Variants in TET1 observed in about 807,000 individuals in gnomAD.
TET1 encodes the protein tet methylcytosine dioxygenase 1.
TET1 carries 13 observed loss-of-function variants against 148.7 expected under a neutral mutation model. The ratio of observed to expected loss-of-function variants is 0.09; its 90% CI spans 0.06 to 0.14. The LOEUF is 0.14. TET1 is among the 10% of genes least tolerant of loss of function. TET1 has a pLI of 1.00. For missense variants in TET1, 2,182 were observed against 2,553.8 expected (o/e 0.85, Z 3.14); for synonymous variants, 907 against 937.2 (o/e 0.97, Z 0.59).
chr10:68,561,790 G>A (rs1443369019), intron 1 of TET1, among the ~76,000 whole-genome samples: 1 of 149,498 alleles, frequency 6.7e-6, no homozygotes. Context: ...GTCTGGAAGG[G>A]ACTGGCCGAC....
At chr10:68,622,599 C>T (rs1240493952) in intron 3 of TET1, among the ~76,000 whole-genome samples, 1 of 151,970 alleles carries the variant, frequency 6.6e-6, no homozygotes, top group Non-Finnish European at 1.5e-5. Context: ...TCTCCTTGAT[C>T]TCCAACACAG....
rs940708786 is a variant in TET1, at chr10:68,573,373, T to C, written c.1035T>C (p.His345=). The change falls in exon 2 of 12, where the codon CAT becomes CAC. Residue 345 remains histidine (H), a synonymous_variant. Coordinates refer to ENST00000373644, the MANE Select transcript of TET1 (RefSeq NM_030625.3). ...KQATLGAKPD[H]QEAFEATANQ... is the part of the protein sequence containing the mutation. Reference sequence around the variant, plus strand: ...CGACCCTTGGTGCTAAACCAGATCATCAAGAGGCCTTCGAAGCTACTGCAA... The same window carrying C: ...CGACCCTTGGTGCTAAACCAGATCACCAAGAGGCCTTCGAAGCTACTGCAA... 2 of 1,614,170 alleles carry C rather than the reference T, an allele frequency of 1.2e-6. No individual in the cohort carries two copies. The highest frequency in any genetic ancestry group is 2.7e-5 in the African/African-American group (2 of 75,030).
chr10:68,619,255 G>A (rs1222311444), intron 3 of TET1, among the ~76,000 whole-genome samples: 1 of 151,918 alleles, frequency 6.6e-6, no homozygotes, highest in Non-Finnish European at 1.5e-5. Flanking sequence ...TTTTGAGCCA[G>A]AGTCTCTATC....
intron 1 of TET1, among the ~76,000 whole-genome samples, chr10:68,571,431 G>A (rs1174396506): frequency 6.6e-6 from 1 of 151,578 alleles, no homozygotes; most frequent in Non-Finnish European, 1.5e-5. Context: ...AGCCTCCTGA[G>A]TAGTTGAGAT....
chr10:68,595,949 T>TACACAC (rs2053976890), intron 2 of TET1, among the ~76,000 whole-genome samples: 2 of 30,150 alleles, frequency 6.6e-5, no homozygotes, highest in East Asian at 1.1e-3. Flanking sequence ...TATATATATA[T>TACACAC]ATATATATAT....
chr10:68,659,472 C>T (rs1333366627), intron 6 of TET1, among the ~76,000 whole-genome samples: 1 of 152,046 alleles, frequency 6.6e-6, no homozygotes, highest in African/African-American at 2.4e-5. Flanking sequence ...GCGTGTGCCA[C>T]CATGCTCAGC....
At chr10:68,657,843 A>G (rs2055048119) in intron 6 of TET1, among the ~76,000 whole-genome samples, 1 of 152,140 alleles carries the variant, frequency 6.6e-6, no homozygotes, top group African/African-American at 2.4e-5. Context: ...GGTGGGAAAA[A>G]TTTTAAAACA....
chr10:68,600,331 A>G (rs1288452187), intron 2 of TET1, among the ~76,000 whole-genome samples: 1 of 152,036 alleles, frequency 6.6e-6, no homozygotes, highest in Non-Finnish European at 1.5e-5. Flanking sequence ...CATCGATCCA[A>G]TGGTGGTGAC....
In TET1 at chr10:68,614,629, G is replaced by A. The variant is rs938913943; in HGVS notation, c.1968+13595G>A. Among the ~76,000 whole-genome samples, 7 of 152,272 alleles carry A rather than the reference G, an allele frequency of 4.6e-5. No homozygotes were observed. The Middle Eastern group carries it at 0.01, about 222-fold the overall frequency. ...CCTCTTAGGTTCAAGCGATTCTTGTGCCTCAGCCACCTGAGTAGCTGGGAC... is the reference window on the plus strand; with the variant it reads ...CCTCTTAGGTTCAAGCGATTCTTGTACCTCAGCCACCTGAGTAGCTGGGAC... On this transcript the variant is annotated intron_variant, in intron 3 of 11. Coordinates refer to ENST00000373644, the MANE Select transcript of TET1 (RefSeq NM_030625.3).
chr10:68,651,594 A>C (rs1251942201), intron 4 of TET1, among the ~76,000 whole-genome samples: 3 of 152,104 alleles, frequency 2.0e-5, no homozygotes, highest in Non-Finnish European at 4.4e-5. Flanking sequence ...AATATGACCC[A>C]CATCTTAAAA....
intron 10 of TET1, 61 bp downstream of exon 10, chr10:68,683,034 C>G: frequency 6.4e-7 from 1 of 1,561,430 alleles, no homozygotes; most frequent in Non-Finnish European, 8.7e-7. Flanking sequence ...AGGCTGCAGT[C>G]CTTACGTATA....
At chr10:68,631,516 G>A (rs562477969) in intron 3 of TET1, among the ~76,000 whole-genome samples, 1 of 133,800 alleles carries the variant, frequency 7.5e-6, no homozygotes, top group South Asian at 2.4e-4. Flanking sequence ...CTCCTTATCC[G>A]CCCACTTCAG....
chr10:68,650,186 T>TGCC lies in TET1; in HGVS notation c.4277-1659_4277-1657dup, dbSNP rs559522849. 3.7e-3 allele frequency among the ~76,000 whole-genome samples: 563 copies of TGCC among 152,302 alleles called. 1 individual carries two copies. The highest frequency in any genetic ancestry group is 0.013 in the African/African-American group (534 of 41,560). On this transcript the variant is annotated intron_variant, in intron 4 of 11. Coordinates refer to ENST00000373644, the MANE Select transcript of TET1 (RefSeq NM_030625.3). ...GCATCTCTATCTTCCACCCACTAGA[T>TGCC]GCCAGTAGTAATGCACACACATAAC...
rs114933137 is a variant in TET1, at chr10:68,593,667, A to G, written c.1915-7314A>G. 7.1e-3 allele frequency among the ~76,000 whole-genome samples: 1,075 copies of G among 151,980 alleles called. 9 individuals carry two copies. Among genetic ancestry groups the G allele is most frequent in the African/African-American group, 0.025 (1,027 of 41,436 alleles). ...GCTCTTGTTGCACAGGCTGGAGAGC[A>G]AATGGTGCGATCTCGGCTCACTGCA... is the stretch of plus-strand genomic sequence containing the variant. On this transcript the variant is annotated intron_variant, in intron 2 of 11. Transcript: ENST00000373644.
intron 6 of TET1, among the ~76,000 whole-genome samples, chr10:68,657,851 A>C (rs1359777091): frequency 6.6e-6 from 1 of 152,152 alleles, no homozygotes; most frequent in African/African-American, 2.4e-5. Context: ...AAATTTTAAA[A>C]CAATTTTAAA....
At chr10:68,642,037 GT>G (rs1348394976) in intron 3 of TET1, among the ~76,000 whole-genome samples, 18 of 152,162 alleles carry the variant, frequency 1.2e-4, no homozygotes, top group Admixed American at 1.2e-3. Flanking sequence ...ACAACATGAA[GT>G]TTTCAAATGT....
At chr10:68,675,600 C>G (rs1310347611) in intron 8 of TET1, among the ~76,000 whole-genome samples, 6 of 144,634 alleles carry the variant, frequency 4.1e-5, no homozygotes. Context: ...GGGTCTCGCT[C>G]TGTCATCCAG....
At chr10:68,666,333 T>C (rs1341163660) in intron 6 of TET1, among the ~76,000 whole-genome samples, 1 of 152,158 alleles carries the variant, frequency 6.6e-6, no homozygotes, top group African/African-American at 2.4e-5. Flanking sequence ...CATGTAAAAA[T>C]CATAGAAACC....
chr10:68,690,480 C>T (rs1337290231), intron 11 of TET1, among the ~76,000 whole-genome samples: 3 of 152,098 alleles, frequency 2.0e-5, no homozygotes, highest in South Asian at 2.1e-4. Flanking sequence ...TGGTGGCAGG[C>T]GCCTGTAGTC....
Sources: allele counts gnomAD v4.1 joint callset (sites outside exome capture counted in the v4.1 genomes callset), GRCh38; gene constraint gnomAD v4.1.1; transcripts MANE v1.5; gene names NCBI Gene and HGNC (gene_info 2026-07-23, HGNC 2026-07-21).